The following UTY variants were observed in gnomAD, a reference collection of about 807,000 sequenced individuals.
UTY encodes the protein histone demethylase UTY.
A neutral mutation model predicts 32.5 loss-of-function variants in UTY; 12 were observed. That is an observed-to-expected ratio of 0.37 (90% CI 0.24 to 0.60). The LOEUF is 0.60. Among genes scored for constraint, UTY ranks in the 20% least tolerant of loss-of-function variants. The probability of loss-of-function intolerance (pLI) is 0.69; values close to 1 mark genes in which losing one functional copy is unlikely to be tolerated. For synonymous variants in UTY, 131 were observed against 103.4 expected, an observed-to-expected ratio of 1.27 and a Z score of -1.62; for missense variants, 303 against 299.2, an observed-to-expected ratio of 1.01 and a Z score of -0.09.
chrY:13,470,151 A>G lies in UTY; in HGVS notation c.295T>C (p.Phe99Leu). The G allele has an allele frequency of 2.5e-6, 1 of 394,743 alleles. No individual in the cohort carries two copies. Among genetic ancestry groups the G allele is most frequent in the Non-Finnish European group, 3.5e-6 (1 of 281,740 alleles). The stretch of plus-strand genomic sequence containing the variant: ...GAATAATCTTCCAACAAGAGGTTGA[A>G]GTGACCTAATTGGCAAAAGAAGTCA... ...ESDFFCQLGH[F>L]NLLLEDYSKA... is the part of the protein sequence containing the mutation. Residue 99 changes from phenylalanine to leucine, a missense_variant, in exon 3 of 30, where the codon TTC becomes CTC. Transcript: ENST00000545955.
chrY:13,406,741 G>A (rs2070091366), intron 6 of UTY, among the ~76,000 whole-genome samples: 1 of 27,171 alleles, frequency 3.7e-5, no homozygotes, highest in African/African-American at 1.4e-4. Context: ...TCAAAATACT[G>A]TATATTTATA....
intron 8 of UTY, among the ~76,000 whole-genome samples, chrY:13,374,765 G>C: frequency 3.0e-5 from 1 of 33,338 alleles, no homozygotes; most frequent in African/African-American, 1.2e-4. Context: ...CTAATAGTGT[G>C]GCATCACTGC....
chrY:13,323,441 C>A, intron 21 of UTY, 114 bp downstream of exon 21: 1 of 169,101 alleles, frequency 5.9e-6, no homozygotes, highest in Non-Finnish European at 1.1e-5. Context: ...GTTTAATAAT[C>A]TATGAGCACT....
chrY:13,388,394 CCT>C (rs2067150675), intron 8 of UTY, among the ~76,000 whole-genome samples: 26 of 33,842 alleles, frequency 7.7e-4, no homozygotes, highest in Admixed American at 6.4e-3. Context: ...TACACCCTCC[CCT>C]GTTTTCTTCA....
chrY:13,317,952 G>C (rs2059587500), intron 21 of UTY, among the ~76,000 whole-genome samples: 2 of 31,304 alleles, frequency 6.4e-5, no homozygotes, highest in Non-Finnish European at 7.6e-5. Flanking sequence ...CTGAGGTCAG[G>C]AGTTCAAGAC....
chrY:13,452,684 TA>T (rs2076427911), intron 3 of UTY, among the ~76,000 whole-genome samples: 1 of 32,973 alleles, frequency 3.0e-5, no homozygotes, highest in Non-Finnish European at 7.5e-5. Flanking sequence ...TACAGAAAGA[TA>T]AAAAACTATT....
intron 8 of UTY, among the ~76,000 whole-genome samples, chrY:13,387,348 T>C (rs560423137): frequency 5.9e-4 from 20 of 33,762 alleles, no homozygotes; most frequent in African/African-American, 2.3e-3. Context: ...TAAATATAGT[T>C]AGAGGCAGAG....
chrY:13,283,970 T>A, intron 27 of UTY, among the ~76,000 whole-genome samples: 1 of 33,044 alleles, frequency 3.0e-5, no homozygotes, highest in Admixed American at 2.8e-4. Context: ...AAAGAAAGTT[T>A]GCTTTGAAAA....
At chrY:13,401,315 T>C in intron 6 of UTY, among the ~76,000 whole-genome samples, 1 of 34,052 alleles carries the variant, frequency 2.9e-5, no homozygotes, top group Admixed American at 2.7e-4. Context: ...TAGTACTCTA[T>C]TGCAGGGGCA....
intron 27 of UTY, among the ~76,000 whole-genome samples, chrY:13,288,926 T>C: frequency 3.0e-5 from 1 of 33,375 alleles, no homozygotes; most frequent in Non-Finnish European, 7.4e-5. Flanking sequence ...AGGATATAGT[T>C]AAAGAGATAA....
intron 28 of UTY, among the ~76,000 whole-genome samples, chrY:13,241,659 G>C: frequency 3.0e-5 from 1 of 33,758 alleles, no homozygotes; most frequent in Non-Finnish European, 7.4e-5. Flanking sequence ...AAGTAAAAAA[G>C]GAAACATTAC....
chrY:13,366,153 C>T, intron 10 of UTY, 114 bp downstream of exon 10: 1 of 256,606 alleles, frequency 3.9e-6, no homozygotes, highest in Non-Finnish European at 5.4e-6. Flanking sequence ...TGAGCCACCC[C>T]GCCCAGCCGG....
chrY:13,324,815 T>C (rs2060110191), intron 19 of UTY, 109 bp from the exon 20 acceptor site: 1 of 179,040 alleles, frequency 5.6e-6, no homozygotes. Flanking sequence ...TGTGAGTTTT[T>C]TTCCATCAAT....
At chrY:13,269,612 A>C (rs556828014) in intron 27 of UTY, among the ~76,000 whole-genome samples, 8 of 29,509 alleles carry the variant, frequency 2.7e-4, no homozygotes, top group Admixed American at 5.7e-4. Context: ...CAAAACAAAA[A>C]AAAACTGCAG....
intron 27 of UTY, 118 bp downstream of exon 27, chrY:13,297,589 T>G (rs2058107826): frequency 2.8e-6 from 1 of 361,758 alleles, no homozygotes; most frequent in Non-Finnish European, 3.8e-6. Flanking sequence ...TATTACATTT[T>G]GCCAAGACTT....
rs563170304 is a variant in UTY, at chrY:13,368,293, C to T, written c.739+963G>A. Among the ~76,000 whole-genome samples, 78 of 26,297 alleles carry T rather than the reference C, an allele frequency of 3.0e-3. No homozygotes were observed. In the Middle Eastern group the frequency reaches 0.051, roughly 17 times the overall value. The allele number at this position is 26,297 out of a possible 37,273, so 70.6% of individuals were successfully genotyped here. On this transcript the variant is annotated intron_variant, in intron 9 of 29. Coordinates refer to ENST00000545955, the MANE Select transcript of UTY (RefSeq NM_001258249.2). ...TCGCCGTGTTAGACAGGACAGTCTC[C>T]ATTTCCTGACCTCGTGATCCGCCTG...
At chrY:13,356,167 T>G in intron 15 of UTY, 149 bp from the exon 16 acceptor site, 1 of 129,681 alleles carries the variant, frequency 7.7e-6, no homozygotes, top group Non-Finnish European at 1.4e-5. Context: ...TCTTTTTTTT[T>G]GTTGTTGAGA....
chrY:13,446,551 GAGATAGATAGATAGATAGATAGATAGAT>G (rs765977720), intron 4 of UTY, among the ~76,000 whole-genome samples: 1 of 10,388 alleles, frequency 9.6e-5, no homozygotes, highest in African/African-American at 3.8e-4. Flanking sequence ...GTAACAGTGT[GAGATAGATAGATAGATAGATAGATAGAT>G]AGATAGATAG....
chrY:13,331,953 T>C (rs1021877360), intron 18 of UTY, among the ~76,000 whole-genome samples: 9 of 33,743 alleles, frequency 2.7e-4, no homozygotes, highest in Non-Finnish European at 6.6e-4. Flanking sequence ...TACCTGGAAT[T>C]GATGGAAAGA....
Sources: allele counts gnomAD v4.1 joint callset (sites outside exome capture counted in the v4.1 genomes callset), GRCh38; gene constraint gnomAD v4.1.1; transcripts MANE v1.5; gene names NCBI Gene and HGNC (gene_info 2026-07-23, HGNC 2026-07-21).